COLEC10: variants seen among roughly 807,000 people sequenced by gnomAD.
COLEC10 encodes collectin subfamily member 10, also known as collectin-10.
A neutral mutation model predicts 28.4 loss-of-function variants in COLEC10; 22 were observed. That is an observed-to-expected ratio of 0.78 (90% CI 0.55 to 1.11). The LOEUF (loss-of-function observed/expected upper bound fraction) is 1.11. Ranked by LOEUF, COLEC10 falls within the 50% of genes least tolerant of loss-of-function variation. The pLI is 0.00. For missense variants in COLEC10, 361 were observed against 344.1 expected (o/e 1.05, Z -0.39); for synonymous variants, 125 against 116.1 (o/e 1.08, Z -0.49).
At chr8:119,010,174 C>T (rs1813879403) in intron 2 of COLEC10, among the ~76,000 whole-genome samples, 1 of 150,702 alleles carries the variant, frequency 6.6e-6, no homozygotes, top group Admixed American at 6.6e-5. Context: ...GTATTTAGCC[C>T]TCCCTCCCTC....
At chr8:119,006,549 C>CT (rs1813801535) in intron 1 of COLEC10, among the ~76,000 whole-genome samples, 1 of 152,048 alleles carries the variant, frequency 6.6e-6, no homozygotes, top group African/African-American at 2.4e-5. Context: ...AACAAAGGGG[C>CT]TGACACATGG....
the COLEC10 span, among the ~76,000 whole-genome samples, chr8:118,961,853 T>A: frequency 6.4e-4 from 98 of 152,312 alleles, no homozygotes; most frequent in African/African-American, 2.0e-3. Context: ...GTTTTGGATA[T>A]TTTTTAATGC....
At chr8:119,063,007 A>G (rs750454576), upstream of COLEC10, 2 of 152,178 alleles carry the variant, frequency 1.3e-5, no homozygotes, top group Non-Finnish European at 2.9e-5. Context: ...GAGTTATATC[A>G]ATTTGTCAAG....
At chr8:119,063,470 C>G (rs1466969949), upstream of COLEC10, among the ~76,000 whole-genome samples, 1 of 152,176 alleles carries the variant, frequency 6.6e-6, no homozygotes, top group Non-Finnish European at 1.5e-5. Flanking sequence ...TCTTTAGTTT[C>G]TTGTTGCGTA....
At chr8:118,971,573 C>T in the COLEC10 span, among the ~76,000 whole-genome samples, 7 of 151,904 alleles carry the variant, frequency 4.6e-5, no homozygotes, top group Non-Finnish European at 8.8e-5. Flanking sequence ...TGTTTATATC[C>T]GTTTCTTTCC....
the COLEC10 span, among the ~76,000 whole-genome samples, chr8:118,972,312 T>C: frequency 6.6e-6 from 1 of 152,114 alleles, no homozygotes; most frequent in South Asian, 2.1e-4. Flanking sequence ...CTTCTTGTTT[T>C]ACTCCATTCT....
the COLEC10 span, among the ~76,000 whole-genome samples, chr8:118,990,378 C>CA: frequency 3.3e-5 from 5 of 151,992 alleles, no homozygotes; most frequent in African/African-American, 1.2e-4. Context: ...TATATGTAAA[C>CA]ATTCATGTGT....
the COLEC10 span, among the ~76,000 whole-genome samples, chr8:118,967,119 G>C: frequency 6.6e-6 from 1 of 152,098 alleles, no homozygotes; most frequent in African/African-American, 2.4e-5. Context: ...ATCCATATTA[G>C]AGTAACACAG....
chr8:118,983,106 C>T, the COLEC10 span, among the ~76,000 whole-genome samples: 257 of 152,260 alleles, frequency 1.7e-3, 6 homozygotes, highest in East Asian at 0.021. Flanking sequence ...TGCTCTGAGC[C>T]GTTGCTCTGA....
intron 1 of COLEC10, among the ~76,000 whole-genome samples, chr8:118,999,825 T>C (rs112033868): frequency 1.3e-5 from 2 of 152,268 alleles, no homozygotes; most frequent in African/African-American, 4.8e-5. Context: ...TAATTTCAGT[T>C]AACAACAGTT....
At chr8:119,051,549 C>T (rs893764407) in intron 2 of COLEC10, among the ~76,000 whole-genome samples, 1 of 152,142 alleles carries the variant, frequency 6.6e-6, no homozygotes, top group Admixed American at 6.6e-5. Flanking sequence ...GAGCGCCTGG[C>T]ACACAGATGG....
chr8:118,992,233 A>G (rs993432622), upstream of COLEC10, among the ~76,000 whole-genome samples: 1 of 152,166 alleles, frequency 6.6e-6, no homozygotes, highest in African/African-American at 2.4e-5. Context: ...GAATTTCAAT[A>G]GAGTCAGTTG....
the COLEC10 span, among the ~76,000 whole-genome samples, chr8:118,952,980 T>C: frequency 6.6e-6 from 1 of 152,100 alleles, no homozygotes; most frequent in Admixed American, 6.6e-5. Context: ...AGTGTTCAAG[T>C]TATATGTCTC....
the COLEC10 span, among the ~76,000 whole-genome samples, chr8:118,964,642 T>A: frequency 6.6e-5 from 10 of 152,204 alleles, no homozygotes; most frequent in African/African-American, 2.2e-4. Context: ...TTAAGGTGTT[T>A]ATGATCTTGA....
Position 119,051,622 on chromosome 8 carries a change from A to T in COLEC10, n.236-38058A>T, listed in dbSNP as rs116049194. Among the ~76,000 whole-genome samples the T allele has an allele frequency of 3.2e-3, 486 of 152,354 alleles. 1 individual carries two copies. Among genetic ancestry groups the T allele is most frequent in the African/African-American group, 0.011 (450 of 41,590 alleles). ...GAATGAATCAATGAATACGCAGTAG[A>T]TAAAAGATTGTGAAACTTAACCACG... On this transcript the variant is annotated intron_variant and non_coding_transcript_variant, in intron 2 of 6. Transcript: ENST00000521788.
the COLEC10 span, among the ~76,000 whole-genome samples, chr8:118,965,175 A>G: frequency 2.2e-4 from 34 of 151,840 alleles, no homozygotes; most frequent in Non-Finnish European, 4.7e-4. Flanking sequence ...TTCTATTATT[A>G]TAAGATACAG....
chr8:119,094,470 G>A lies in COLEC10; in HGVS notation c.292+3250G>A, dbSNP rs1301390207. On this transcript the variant is annotated intron_variant, in intron 3 of 5. Transcript: ENST00000332843. The stretch of plus-strand genomic sequence containing the variant: ...TTACATTAATCCTTCTGCTAAGTAC[G>A]ACTAGCTGGGTCCAAAAAAATATTT... 3.9e-5 allele frequency among the ~76,000 whole-genome samples: 6 copies of A among 152,244 alleles called. No homozygotes were observed. In the East Asian group the frequency reaches 5.8e-4, roughly 15 times the overall value.
At chr8:119,073,923 G>T (rs1587042816) in intron 1 of COLEC10, among the ~76,000 whole-genome samples, 1 of 149,084 alleles carries the variant, frequency 6.7e-6, no homozygotes, top group Admixed American at 6.7e-5. Flanking sequence ...ATGTATATAT[G>T]TGTATATATA....
the COLEC10 span, among the ~76,000 whole-genome samples, chr8:118,979,908 G>A: frequency 1.3e-5 from 2 of 152,082 alleles, no homozygotes; most frequent in Non-Finnish European, 2.9e-5. Flanking sequence ...AGTGTTGGCA[G>A]ACTTCTGTTC....
Sources: allele counts gnomAD v4.1 joint callset (sites outside exome capture counted in the v4.1 genomes callset), GRCh38; gene constraint gnomAD v4.1.1; transcripts MANE v1.5; gene names NCBI Gene and HGNC (gene_info 2026-07-23, HGNC 2026-07-21).